Variants in TPRG1 observed in about 807,000 individuals in gnomAD.
The protein encoded by TPRG1 is tumor protein p63 regulated 1, also known as tumor protein p63-regulated gene 1 protein.
In TPRG1, 29 loss-of-function variants were observed where a neutral mutation model predicts 29.3. That is an observed-to-expected ratio of 0.99 (90% CI 0.74 to 1.35). TPRG1 has a LOEUF of 1.35. Among genes scored for constraint, TPRG1 ranks in the 40% most tolerant of loss-of-function variants. TPRG1 has a pLI of 0.00. For synonymous variants in TPRG1, 130 were observed against 116.8 expected (o/e 1.11, Z -0.73); for missense variants, 327 against 335.0 (o/e 0.98, Z 0.19).
chr3:189,195,086 G>A (rs570335832), intron 1 of TPRG1, among the ~76,000 whole-genome samples: 3 of 152,186 alleles, frequency 2.0e-5, no homozygotes, highest in South Asian at 4.1e-4. Context: ...GCTTAACCAG[G>A]GCACTGATTC....
intron 3 of TPRG1, among the ~76,000 whole-genome samples, chr3:189,009,869 G>T (rs1712502261): frequency 6.6e-6 from 1 of 151,718 alleles, no homozygotes; most frequent in African/African-American, 2.4e-5. Flanking sequence ...GTGTGCCATG[G>T]TGGTTTGCGC....
At chr3:189,034,866 A>C (rs1345693687) in intron 4 of TPRG1, among the ~76,000 whole-genome samples, 1 of 152,200 alleles carries the variant, frequency 6.6e-6, no homozygotes, top group East Asian at 1.9e-4. Context: ...TACTTCCCAA[A>C]GCAATTTACA....
At chr3:189,190,677 A>G (rs1244702459) in intron 1 of TPRG1, among the ~76,000 whole-genome samples, 1 of 152,180 alleles carries the variant, frequency 6.6e-6, no homozygotes, top group East Asian at 1.9e-4. Flanking sequence ...TTTTCATTTA[A>G]TCTTCACAAA....
intron 4 of TPRG1, among the ~76,000 whole-genome samples, chr3:189,041,932 A>G (rs1714659771): frequency 6.6e-6 from 1 of 152,158 alleles, no homozygotes. Flanking sequence ...ATCTCAGGCC[A>G]TTGCTTGAGC....
intron 3 of TPRG1, among the ~76,000 whole-genome samples, chr3:189,022,995 T>C (rs1713440244): frequency 6.6e-6 from 1 of 151,672 alleles, no homozygotes. Context: ...ATTTTCCAGG[T>C]GCCGTCCGTC....
rs372690302 is a variant in TPRG1 at position 189,154,845 on chromosome 3, AG to A, written c.-10+3974del. Reference sequence around the variant, plus strand: ...AGTACATCAGACGGTGACAAATATTAGAAAGAAAAAATAAATCAGGAAAGGT... The same window carrying A: ...AGTACATCAGACGGTGACAAATATTAAAAGAAAAAATAAATCAGGAAAGGT... On this transcript the variant is annotated intron_variant, in intron 5 of 6. Transcript: ENST00000412373. 4.7e-4 allele frequency among the ~76,000 whole-genome samples: 71 copies of A among 152,330 alleles called. No homozygotes were observed. The East Asian group carries it at 0.013, about 27-fold the overall frequency.
intron 4 of TPRG1, chr3:189,240,630 C>T (rs1257749224): frequency 6.6e-6 from 1 of 152,150 alleles, no homozygotes; most frequent in Non-Finnish European, 1.5e-5. Context: ...GAGACTCATT[C>T]ACTATCACGA....
intron 3 of TPRG1, among the ~76,000 whole-genome samples, chr3:189,018,731 T>C (rs1481396131): frequency 6.6e-6 from 1 of 151,702 alleles, no homozygotes; most frequent in African/African-American, 2.4e-5. Context: ...TTTGGTTCCA[T>C]ATGAACTTTA....
At chr3:189,284,475 A>T (rs564651702) in intron 4 of TPRG1, among the ~76,000 whole-genome samples, 40 of 151,142 alleles carry the variant, frequency 2.6e-4, no homozygotes, top group African/African-American at 9.0e-4. Context: ...TGTCCTTGCC[A>T]TAGTTTGCTG....
chr3:189,081,478 A>G (rs1314510332), intron 4 of TPRG1, among the ~76,000 whole-genome samples: 1 of 152,194 alleles, frequency 6.6e-6, no homozygotes, highest in Non-Finnish European at 1.5e-5. Flanking sequence ...ATATGGTCCA[A>G]TTGGCAAGGT....
chr3:189,071,654 G>A (rs150972142), intron 4 of TPRG1, among the ~76,000 whole-genome samples: 116 of 152,292 alleles, frequency 7.6e-4, no homozygotes, highest in African/African-American at 2.7e-3. Flanking sequence ...CTACCATTAT[G>A]AGTCATCCTC....
At chr3:189,245,873 T>A (rs1741304730) in intron 4 of TPRG1, among the ~76,000 whole-genome samples, 1 of 152,192 alleles carries the variant, frequency 6.6e-6, no homozygotes, top group African/African-American at 2.4e-5. Flanking sequence ...ATGATTGGTG[T>A]CTTTCTGGTG....
chr3:189,006,739 A>T (rs1712307864), intron 3 of TPRG1, among the ~76,000 whole-genome samples: 1 of 152,092 alleles, frequency 6.6e-6, no homozygotes, highest in South Asian at 2.1e-4. Flanking sequence ...ATTTCTTTAT[A>T]TGCCTTAGGG....
At chr3:189,065,437 T>C (rs146130506) in intron 4 of TPRG1, among the ~76,000 whole-genome samples, 1,587 of 152,154 alleles carry the variant, frequency 0.01, 12 homozygotes, top group South Asian at 0.032. Flanking sequence ...ATATTAACAA[T>C]CCCTATCTAA....
intron 4 of TPRG1, among the ~76,000 whole-genome samples, chr3:189,038,794 C>CAAA (rs59131158): frequency 8.2e-4 from 107 of 129,772 alleles, no homozygotes; most frequent in Middle Eastern, 4.0e-3. Context: ...GAGTAATTGG[C>CAAA]AAAAAAAAAA....
At chr3:189,235,336 G>A (rs1044624050) in intron 3 of TPRG1, among the ~76,000 whole-genome samples, 1 of 151,440 alleles carries the variant, frequency 6.6e-6, no homozygotes, top group African/African-American at 2.4e-5. Context: ...AGCCTAGAGT[G>A]AGAGTGATTG....
intron 1 of TPRG1, among the ~76,000 whole-genome samples, chr3:189,173,070 C>T (rs1156466367): frequency 6.6e-6 from 1 of 152,172 alleles, no homozygotes; most frequent in Non-Finnish European, 1.5e-5. Flanking sequence ...TTAAGGAAAT[C>T]TCATCTTCAG....
At chr3:189,162,651 C>T (rs368990533) in intron 5 of TPRG1, among the ~76,000 whole-genome samples, 1 of 152,058 alleles carries the variant, frequency 6.6e-6, no homozygotes, top group East Asian at 1.9e-4. Context: ...AGAAAGACAG[C>T]ATTTCATGTT....
At chr3:189,085,797 T>C (rs930764101) in intron 4 of TPRG1, among the ~76,000 whole-genome samples, 8 of 152,164 alleles carry the variant, frequency 5.3e-5, no homozygotes, top group African/African-American at 1.9e-4. Context: ...ATGAAATTAA[T>C]TGAAGATTAA....
Sources: gnomAD v4.1 joint callset for allele counts (sites outside exome capture counted in the v4.1 genomes callset) on GRCh38, gnomAD v4.1.1 for gene constraint, MANE v1.5 for transcripts, NCBI Gene and HGNC (gene_info 2026-07-23, HGNC 2026-07-21) for gene names.